DAB1: variants seen among roughly 807,000 people sequenced by gnomAD.
DAB1 encodes DAB adaptor protein 1.
A neutral mutation model predicts 64.6 loss-of-function variants in DAB1; 15 were observed. The observed-to-expected ratio is 0.23, with a 90% CI of 0.16 to 0.36. DAB1 has a LOEUF of 0.36. Among genes scored for constraint, DAB1 ranks in the 10% least tolerant of loss-of-function variants. The pLI, the probability that DAB1 is intolerant of heterozygous loss-of-function variation, is 1.00. For missense variants in DAB1, 596 were observed against 706.7 expected (o/e 0.84, Z 1.78); for synonymous variants, 235 against 251.9 (o/e 0.93, Z 0.64).
At chr1:57,100,508 G>C (rs1293065920) in intron 4 of DAB1, among the ~76,000 whole-genome samples, 1 of 152,140 alleles carries the variant, frequency 6.6e-6, no homozygotes, top group Admixed American at 6.5e-5. Flanking sequence ...TGAGGAATGA[G>C]CTATAATGGA....
intron 4 of DAB1, among the ~76,000 whole-genome samples, chr1:58,261,774 C>G (rs962078855): frequency 6.6e-6 from 1 of 152,102 alleles, no homozygotes; most frequent in African/African-American, 2.4e-5. Flanking sequence ...CCAGGCTGGT[C>G]TTGAACTCCT....
chr1:57,581,883 A>G (rs1645317481), intron 7 of DAB1, among the ~76,000 whole-genome samples: 1 of 152,174 alleles, frequency 6.6e-6, no homozygotes, highest in Non-Finnish European at 1.5e-5. Context: ...AGCTGCTATA[A>G]CAACATACCA....
At chr1:57,545,434 G>A (rs1456373755) in intron 7 of DAB1, among the ~76,000 whole-genome samples, 1 of 152,182 alleles carries the variant, frequency 6.6e-6, no homozygotes, top group East Asian at 1.9e-4. Flanking sequence ...ATTTGTCGCA[G>A]TTTTCCTAGG....
chr1:57,089,601 T>A (rs1004692225), intron 4 of DAB1, among the ~76,000 whole-genome samples: 43 of 152,028 alleles, frequency 2.8e-4, no homozygotes, highest in Non-Finnish European at 1.2e-4. Flanking sequence ...TGCCACATAC[T>A]TAAACAACCA....
intron 2 of DAB1, among the ~76,000 whole-genome samples, chr1:57,274,121 C>T (rs151046320): frequency 6.2e-4 from 95 of 152,150 alleles, no homozygotes; most frequent in African/African-American, 2.2e-3. Flanking sequence ...TGCTCTGATC[C>T]CAGAGAAAAT....
chr1:57,214,531 G>A lies in DAB1; in HGVS notation c.68-69102C>T, dbSNP rs143997860. Among the ~76,000 whole-genome samples the A allele has an allele frequency of 4.3e-4, 66 of 152,244 alleles. 1 individual carries two copies. The highest frequency in any genetic ancestry group is 1.6e-3 in the African/African-American group (66 of 41,534). On this transcript the variant is annotated intron_variant, in intron 2 of 14. Transcript: ENST00000371236. ...CCATCCAGAATAGTCACAATGAGTT[G>A]ATAAATTGTAACCCAATAGCAATTG...
chr1:57,296,981 T>A (rs1673245141), intron 1 of DAB1, among the ~76,000 whole-genome samples: 1 of 152,170 alleles, frequency 6.6e-6, no homozygotes, highest in Non-Finnish European at 1.5e-5. Context: ...GTGGAGAAAT[T>A]GGACAAAACG....
chr1:58,452,655 C>CAAAA (rs1245979623), intron 3 of DAB1, among the ~76,000 whole-genome samples: 2 of 105,514 alleles, frequency 1.9e-5, no homozygotes, highest in African/African-American at 3.5e-5. Context: ...ACAAAAATAC[C>CAAAA]AAAAAAAAAA....
At chr1:58,299,895 T>C (rs1662082299) in intron 4 of DAB1, among the ~76,000 whole-genome samples, 1 of 152,188 alleles carries the variant, frequency 6.6e-6, no homozygotes, top group Non-Finnish European at 1.5e-5. Context: ...CTCCACATGC[T>C]TCCTGGAGGC....
At chr1:57,487,118 G>A (rs1419319391) in intron 7 of DAB1, among the ~76,000 whole-genome samples, 1 of 152,116 alleles carries the variant, frequency 6.6e-6, no homozygotes, top group Non-Finnish European at 1.5e-5. Context: ...GGTGGCCCAG[G>A]TCAAGTCTAG....
At chr1:57,236,892 G>A (rs905787777) in intron 2 of DAB1, among the ~76,000 whole-genome samples, 20 of 152,152 alleles carry the variant, frequency 1.3e-4, no homozygotes, top group Non-Finnish European at 2.5e-4. Context: ...CCATCGTGAG[G>A]GAAATATTCT....
rs550957804 is a variant in DAB1, at chr1:58,191,280, T to C, written n.310-40692A>G. On this transcript the variant is annotated intron_variant and non_coding_transcript_variant, in intron 4 of 20. Transcript: ENST00000485760. The stretch of plus-strand genomic sequence containing the variant: ...ACAATAACTTTCTTAAGGTAAGTAC[T>C]GTTATTATCCCCATTTTACAGATGA... 2.0e-5 allele frequency among the ~76,000 whole-genome samples: 3 copies of C among 152,356 alleles called. No homozygotes were observed. In the East Asian group the frequency reaches 5.8e-4, roughly 29 times the overall value.
chr1:58,338,626 C>T lies in DAB1; in HGVS notation n.309+4726G>A, dbSNP rs541700320. 6.6e-5 allele frequency among the ~76,000 whole-genome samples: 10 copies of T among 152,248 alleles called. No individual in the cohort carries two copies. The South Asian group carries it at 2.1e-3, about 32-fold the overall frequency. On this transcript the variant is annotated intron_variant and non_coding_transcript_variant, in intron 4 of 20. Coordinates refer to the DAB1 transcript ENST00000485760. ...ATGAATAAGACAGACAGTCGTTGCC[C>T]TTGTAGAGTTCATGGTTTTGTAGGA...
At chr1:57,468,552 T>G (rs1031592705) in intron 7 of DAB1, among the ~76,000 whole-genome samples, 1 of 152,142 alleles carries the variant, frequency 6.6e-6, no homozygotes, top group Non-Finnish European at 1.5e-5. Flanking sequence ...AGTTTAATCT[T>G]ATAGGTCTGG....
At chr1:57,237,308 T>C (rs1434944909) in intron 2 of DAB1, among the ~76,000 whole-genome samples, 1 of 152,184 alleles carries the variant, frequency 6.6e-6, no homozygotes, top group Non-Finnish European at 1.5e-5. Context: ...GGGGAGACAA[T>C]TCATCTTTTC....
chr1:57,125,759 C>T (rs78689474), intron 4 of DAB1, among the ~76,000 whole-genome samples: 2,038 of 152,166 alleles, frequency 0.013, 42 homozygotes, highest in African/African-American at 0.046. Context: ...GAAGGACAGA[C>T]GTGGCTGGAA....
chr1:57,306,593 G>C (rs890145533), intron 1 of DAB1, among the ~76,000 whole-genome samples: 1 of 147,038 alleles, frequency 6.8e-6, no homozygotes, highest in Admixed American at 6.9e-5. Context: ...ATCCCCCCAG[G>C]CTCCTTGTCT....
chr1:57,181,766 A>C (rs1204629188), intron 2 of DAB1, among the ~76,000 whole-genome samples: 2 of 152,228 alleles, frequency 1.3e-5, no homozygotes, highest in African/African-American at 2.4e-5. Flanking sequence ...TGTGAATTTG[A>C]ATCCCAGCTA....
In DAB1 at chr1:58,179,532, C is replaced by G. The variant is rs536317476; in HGVS notation, n.310-28944G>C. 5.9e-5 allele frequency among the ~76,000 whole-genome samples: 9 copies of G among 152,214 alleles called. 1 individual carries two copies. The South Asian group carries it at 1.9e-3, about 32-fold the overall frequency. On this transcript the variant is annotated intron_variant and non_coding_transcript_variant, in intron 4 of 20. Coordinates refer to the DAB1 transcript ENST00000485760. ...TTCTTTGCTTGTTTTAATCTATTCA[C>G]ATTTTTAATCTTTGAGTCAATTGTG...
Sources: gnomAD v4.1 joint callset for allele counts (sites outside exome capture counted in the v4.1 genomes callset) on GRCh38, gnomAD v4.1.1 for gene constraint, MANE v1.5 for transcripts, NCBI Gene and HGNC (gene_info 2026-07-23, HGNC 2026-07-21) for gene names.